RARB: variants seen among roughly 807,000 people sequenced by gnomAD.
RARB encodes the protein HBV-activated protein.
RARB carries 17 observed loss-of-function variants against 51.9 expected under a neutral mutation model. The ratio of observed to expected loss-of-function variants is 0.33; its 90% confidence interval spans 0.22 to 0.49. The LOEUF (loss-of-function observed/expected upper bound fraction) is 0.49, where lower values mean the gene tolerates loss of function less well. Ranked by LOEUF, RARB falls within the 20% of genes least tolerant of loss-of-function variation. The pLI is 0.99. For missense variants in RARB, 369 were observed against 550.8 expected (o/e 0.67, Z 3.30); for synonymous variants, 215 against 195.4 (o/e 1.10, Z -0.84).
intron 5 of RARB, among the ~76,000 whole-genome samples, chr3:25,209,019 G>A (rs1350767689): frequency 5.9e-5 from 9 of 152,180 alleles, no homozygotes; most frequent in Admixed American, 2.6e-4. Flanking sequence ...CCTGTGTTGC[G>A]ACGACGAGGG....
At chr3:25,580,329 G>A (rs1421994083) in intron 4 of RARB, among the ~76,000 whole-genome samples, 4 of 152,208 alleles carry the variant, frequency 2.6e-5, no homozygotes, top group African/African-American at 4.8e-5. Context: ...AGCTGAGATC[G>A]TGCTACTGCA....
intron 5 of RARB, among the ~76,000 whole-genome samples, chr3:25,293,789 A>C (rs1365355400): frequency 6.6e-6 from 1 of 152,050 alleles, no homozygotes; most frequent in African/African-American, 2.4e-5. Context: ...GTTCTCTGCC[A>C]CCAAAATGAA....
Position 25,081,902 on chromosome 3 carries a change from G to T in RARB, c.-328+21726G>T, listed in dbSNP as rs573887000. On this transcript the variant is annotated intron_variant, in intron 3 of 11. Coordinates refer to the RARB transcript ENST00000383772. ...CCTGCCTTGGCCTCCCAAAGTGCTGGGATTACAGGCGTGAGCCACTGTGCC... is the reference window on the plus strand; with the variant it reads ...CCTGCCTTGGCCTCCCAAAGTGCTGTGATTACAGGCGTGAGCCACTGTGCC... 1.6e-4 allele frequency among the ~76,000 whole-genome samples: 25 copies of T among 151,616 alleles called. 1 individual carries two copies. The South Asian group carries it at 5.0e-3, about 30-fold the overall frequency.
intron 6 of RARB, among the ~76,000 whole-genome samples, 192 bp downstream of exon 6, chr3:25,593,899 C>T (rs1300636259): frequency 6.6e-6 from 1 of 152,116 alleles, no homozygotes; most frequent in Non-Finnish European, 1.5e-5. Context: ...ATTTGGGATC[C>T]TTCTGCTCAG....
At chr3:24,963,412 C>T (rs561364268) in intron 2 of RARB, among the ~76,000 whole-genome samples, 1 of 135,696 alleles carries the variant, frequency 7.4e-6, no homozygotes. Flanking sequence ...TAATGGCTTC[C>T]CATCCTTGTT....
chr3:25,481,865 C>A (rs949238960), intron 2 of RARB, among the ~76,000 whole-genome samples: 2 of 152,230 alleles, frequency 1.3e-5, no homozygotes, highest in Non-Finnish European at 1.5e-5. Flanking sequence ...ACTGCTTATG[C>A]TCTGCCAGGT....
chr3:25,168,840 A>G (rs1238261900), intron 4 of RARB, among the ~76,000 whole-genome samples: 1 of 152,192 alleles, frequency 6.6e-6, no homozygotes, highest in Non-Finnish European at 1.5e-5. Flanking sequence ...AGCATAAAAT[A>G]AAATTTTTCC....
intron 5 of RARB, among the ~76,000 whole-genome samples, chr3:25,333,183 G>C (rs1704957232): frequency 6.6e-6 from 1 of 151,912 alleles, no homozygotes; most frequent in South Asian, 2.1e-4. Flanking sequence ...CTACTTTAAA[G>C]TTCATATGGA....
At chr3:24,851,065 G>C (rs73152442) in intron 1 of RARB, among the ~76,000 whole-genome samples, 8,891 of 152,234 alleles carry the variant, frequency 0.058, 361 homozygotes, top group African/African-American at 0.11. Flanking sequence ...AGAGAAAGCA[G>C]AATGGCCATT....
intron 4 of RARB, among the ~76,000 whole-genome samples, chr3:25,145,127 G>T (rs2125338655): frequency 6.6e-6 from 1 of 152,210 alleles, no homozygotes; most frequent in East Asian, 1.9e-4. Context: ...TGTTTCAGTT[G>T]CTTTATTGGC....
Position 24,946,460 on chromosome 3 carries a change from T to C in RARB, c.-380+87708T>C, listed in dbSNP as rs1217078720. 2.6e-5 allele frequency among the ~76,000 whole-genome samples: 4 copies of C among 151,922 alleles called. No homozygotes were observed. In the East Asian group the frequency reaches 5.8e-4, roughly 22 times the overall value. ...GCATTTAATGAAGAGTGCTGTTCTT[T>C]CTTTGCAAAATGTCTTGCAAATATG... On this transcript the variant is annotated intron_variant, in intron 2 of 11. Transcript: ENST00000383772.
chr3:25,027,625 A>AC (rs11402668), intron 2 of RARB, among the ~76,000 whole-genome samples: 102,300 of 151,670 alleles, frequency 0.67, 34,804 homozygotes, highest in East Asian at 0.87. Context: ...GGAAAAAAAA[A>AC]CCACAATTCT....
At chr3:25,276,974 G>A (rs943300300) in intron 5 of RARB, among the ~76,000 whole-genome samples, 2 of 152,176 alleles carry the variant, frequency 1.3e-5, no homozygotes, top group African/African-American at 4.8e-5. Flanking sequence ...AAGGAAGAAA[G>A]AGTGAAAATA....
At chr3:24,852,727 T>G (rs1271686349) in intron 1 of RARB, among the ~76,000 whole-genome samples, 1 of 152,234 alleles carries the variant, frequency 6.6e-6, no homozygotes, top group Non-Finnish European at 1.5e-5. Context: ...ACCATCTTCC[T>G]AACTGAAAGG....
chr3:25,304,864 A>G (rs1418463309), intron 5 of RARB, among the ~76,000 whole-genome samples: 1 of 152,200 alleles, frequency 6.6e-6, no homozygotes, highest in Non-Finnish European at 1.5e-5. Context: ...GGTTCTGCCA[A>G]GACACAATAA....
chr3:25,081,348 TG>T (rs1176342577), intron 3 of RARB, among the ~76,000 whole-genome samples: 2 of 151,770 alleles, frequency 1.3e-5, no homozygotes, highest in South Asian at 2.1e-4. Context: ...GTGTATCTCA[TG>T]GTGAATGCTC....
intron 5 of RARB, among the ~76,000 whole-genome samples, chr3:25,378,228 T>G (rs1706522089): frequency 6.6e-6 from 1 of 152,188 alleles, no homozygotes; most frequent in Non-Finnish European, 1.5e-5. Flanking sequence ...TTACAAAGAC[T>G]TAGTTTATAT....
chr3:25,231,601 C>A (rs1702177598), intron 5 of RARB, among the ~76,000 whole-genome samples: 1 of 152,050 alleles, frequency 6.6e-6, no homozygotes, highest in Non-Finnish European at 1.5e-5. Context: ...TTGGTAATGA[C>A]TTTTATTTTT....
intron 5 of RARB, among the ~76,000 whole-genome samples, chr3:25,283,001 G>C (rs1264949665): frequency 6.6e-6 from 1 of 152,162 alleles, no homozygotes; most frequent in South Asian, 2.1e-4. Flanking sequence ...GTAAGAACAC[G>C]GAGGAGCGAC....
Sources: gnomAD v4.1 joint callset for allele counts (sites outside exome capture counted in the v4.1 genomes callset) on GRCh38, gnomAD v4.1.1 for gene constraint, MANE v1.5 for transcripts, NCBI Gene and HGNC (gene_info 2026-07-23, HGNC 2026-07-21) for gene names.